The following BNC2 variants were observed in gnomAD, a reference collection of about 807,000 sequenced individuals.
BNC2 encodes the protein zinc finger protein basonuclin-2.
BNC2 carries 20 observed loss-of-function variants against 76.3 expected under a neutral mutation model. The observed-to-expected ratio is 0.26, with a 90% confidence interval of 0.18 to 0.38. The LOEUF (loss-of-function observed/expected upper bound fraction) is 0.38, where lower values mean the gene tolerates loss of function less well. BNC2 is among the 10% of genes least tolerant of loss of function. BNC2 has a pLI of 1.00. For missense variants in BNC2, 1,382 were observed against 1,399.8 expected (o/e 0.99, Z 0.20); for synonymous variants, 582 against 514.8 (o/e 1.13, Z -1.77).
chr9:16,674,584 A>C (rs539271676), intron 3 of BNC2, among the ~76,000 whole-genome samples: 1 of 152,300 alleles, frequency 6.6e-6, no homozygotes, highest in African/African-American at 2.4e-5. Flanking sequence ...TTTGATATCA[A>C]ACTTTTATTT....
chr9:16,818,098 T>C (rs1818226503), intron 1 of BNC2, among the ~76,000 whole-genome samples: 2 of 152,016 alleles, frequency 1.3e-5, no homozygotes, highest in East Asian at 1.9e-4. Context: ...ACTGCAACTA[T>C]AAAATAAAAA....
chr9:16,519,768 G>C (rs1019173345), intron 5 of BNC2, among the ~76,000 whole-genome samples: 4 of 152,174 alleles, frequency 2.6e-5, no homozygotes, highest in Non-Finnish European at 5.9e-5. Flanking sequence ...GAAAAGTGAG[G>C]TTCATGGAGG....
chr9:16,495,036 A>T (rs1822358119), intron 5 of BNC2, among the ~76,000 whole-genome samples: 1 of 152,240 alleles, frequency 6.6e-6, no homozygotes, highest in Non-Finnish European at 1.5e-5. Context: ...TCAATGACGT[A>T]TCATTAGCAA....
chr9:16,698,562 G>A (rs531611971), intron 3 of BNC2, among the ~76,000 whole-genome samples: 14 of 152,144 alleles, frequency 9.2e-5, no homozygotes, highest in Admixed American at 3.3e-4. Flanking sequence ...GCGTGGTGGC[G>A]CATGCCTGTA....
Position 16,583,357 on chromosome 9 carries a change from A to G in BNC2, c.331-272T>C, listed in dbSNP as rs148702123. 2.0e-3 allele frequency among the ~76,000 whole-genome samples: 304 copies of G among 152,322 alleles called. 2 individuals are homozygous for G. The highest frequency in any genetic ancestry group is 7.1e-3 in the African/African-American group (295 of 41,572). ...ATAAAAATAAAGGATTACATATTCG[A>G]TAAGATACCGGATTTACGACATCAC... On this transcript the variant is annotated intron_variant, in intron 3 of 6. Coordinates refer to ENST00000380672, the MANE Select transcript of BNC2 (RefSeq NM_017637.6).
At chr9:16,587,197 A>G (rs952360981) in intron 3 of BNC2, among the ~76,000 whole-genome samples, 3 of 91,540 alleles carry the variant, frequency 3.3e-5, no homozygotes, top group African/African-American at 1.1e-4. Context: ...CTGACTAGGA[A>G]TCTTTTTTTT....
At chr9:16,480,147 A>AT (rs1822015471) in intron 5 of BNC2, among the ~76,000 whole-genome samples, 1 of 152,228 alleles carries the variant, frequency 6.6e-6, no homozygotes, top group African/African-American at 2.4e-5. Flanking sequence ...CATTTTAAAA[A>AT]TAAGAAACAT....
intron 3 of BNC2, among the ~76,000 whole-genome samples, chr9:16,665,558 T>G (rs951205897): frequency 2.0e-5 from 3 of 152,172 alleles, no homozygotes; most frequent in Non-Finnish European, 4.4e-5. Flanking sequence ...GAGCAGTTCT[T>G]ACCATCTTAT....
intron 1 of BNC2, among the ~76,000 whole-genome samples, chr9:16,865,884 G>A (rs1278604713): frequency 6.6e-6 from 1 of 152,090 alleles, no homozygotes; most frequent in African/African-American, 2.4e-5. Flanking sequence ...TCAAAACAAG[G>A]GAGGCTCTTT....
At chr9:16,759,809 C>T (rs776884823) in intron 1 of BNC2, among the ~76,000 whole-genome samples, 2 of 151,852 alleles carry the variant, frequency 1.3e-5, no homozygotes, top group African/African-American at 2.4e-5. Flanking sequence ...CTGCCTGCTC[C>T]GCCTCCCGGG....
At chr9:16,740,140 C>G (rs914743350) in intron 1 of BNC2, among the ~76,000 whole-genome samples, 1 of 152,148 alleles carries the variant, frequency 6.6e-6, no homozygotes, top group Non-Finnish European at 1.5e-5. Flanking sequence ...TAAGGGAAAA[C>G]AGTTGACAGA....
intron 3 of BNC2, among the ~76,000 whole-genome samples, chr9:16,707,100 G>T (rs941870626): frequency 1.8e-4 from 27 of 152,138 alleles, no homozygotes; most frequent in African/African-American, 6.3e-4. Context: ...TAATCGGGAG[G>T]CTGAGGCAGG....
chr9:16,497,487 C>T (rs1822413748), intron 5 of BNC2, among the ~76,000 whole-genome samples: 1 of 152,052 alleles, frequency 6.6e-6, no homozygotes, highest in South Asian at 2.1e-4. Context: ...CTATTTATTG[C>T]TTATTATATG....
rs747661046 is a variant in BNC2, at chr9:16,419,484, G to T, written c.2805C>A (p.Ala935=). 6.2e-7 allele frequency: 1 copy of T among 1,614,110 alleles called. No homozygotes were observed. The highest frequency in any genetic ancestry group is 8.5e-7 in the Non-Finnish European group (1 of 1,180,000). Residue 935 remains alanine, a synonymous_variant, in exon 7 of 7, where the codon GCC becomes GCA. Transcript: ENST00000380672. The part of the protein sequence containing the change: ...HPMGLDVRED[A]SSPAGTEDSH... ...AGTCTTCAGTCCCTGCGGGAGAGGA[G>T]GCGTCTTCCCTGACATCGAGCCCCA...
chr9:16,437,606 G>T, intron 5 of BNC2, 82 bp from the exon 6 acceptor site: 1 of 1,479,156 alleles, frequency 6.8e-7, no homozygotes, highest in Non-Finnish European at 9.2e-7. Flanking sequence ...AACTGAAGGT[G>T]CTCTGTGTGC....
intron 5 of BNC2, among the ~76,000 whole-genome samples, chr9:16,530,724 G>A (rs1817949964): frequency 6.6e-6 from 1 of 152,212 alleles, no homozygotes; most frequent in South Asian, 2.1e-4. Flanking sequence ...GTTGTAAGCT[G>A]TGTGGGCAGA....
At chr9:16,603,500 G>A (rs986124456) in intron 3 of BNC2, among the ~76,000 whole-genome samples, 2 of 152,210 alleles carry the variant, frequency 1.3e-5, no homozygotes, top group South Asian at 2.1e-4. Flanking sequence ...TTGTCTGTGT[G>A]CAAAATTGCT....
At chr9:16,734,706 C>T (rs1824613982) in intron 2 of BNC2, among the ~76,000 whole-genome samples, 1 of 152,292 alleles carries the variant, frequency 6.6e-6, no homozygotes, top group South Asian at 2.1e-4. Flanking sequence ...CACATAAGAA[C>T]ATGATATCCA....
At chr9:16,515,390 C>T (rs938039281) in intron 5 of BNC2, among the ~76,000 whole-genome samples, 1 of 152,198 alleles carries the variant, frequency 6.6e-6, no homozygotes, top group African/African-American at 2.4e-5. Context: ...TGCTACGGGG[C>T]CTCTGGGCAG....
Sources: gnomAD v4.1 joint callset for allele counts (sites outside exome capture counted in the v4.1 genomes callset) on GRCh38, gnomAD v4.1.1 for gene constraint, MANE v1.5 for transcripts, NCBI Gene and HGNC (gene_info 2026-07-23, HGNC 2026-07-21) for gene names.